The following OTUB1 variants were observed in gnomAD, a reference collection of about 807,000 sequenced individuals.
OTUB1 encodes ubiquitin thioesterase OTUB1.
In OTUB1, 10 loss-of-function variants were observed where a neutral mutation model predicts 35.8. The ratio of observed to expected loss-of-function variants is 0.28; its 90% CI spans 0.17 to 0.47. The LOEUF (loss-of-function observed/expected upper bound fraction) is 0.47. Ranked by LOEUF, OTUB1 falls within the 20% of genes least tolerant of loss-of-function variation. The probability of loss-of-function intolerance (pLI) is 0.99; values close to 1 mark genes in which losing one functional copy is unlikely to be tolerated. For missense variants in OTUB1, 264 were observed against 351.6 expected, an observed-to-expected ratio of 0.75 and a Z score of 1.99; for synonymous variants, 158 against 143.8, an observed-to-expected ratio of 1.10 and a Z score of -0.71.
In OTUB1 at chr11:63,997,668, C is replaced by G; in HGVS notation, c.*122C>G. On this transcript the variant is annotated 3_prime_UTR_variant, in exon 7 of 7. Transcript: ENST00000538426. ...CCCCTTCTTCCTGTCACATGACCCC[C>G]CCCCATGTTTTATTAAAGGGGGTGC... The G allele has an allele frequency of 2.5e-6, 2 of 802,534 alleles. No homozygotes were observed. Among genetic ancestry groups the G allele is most frequent in the Non-Finnish European group, 4.2e-6 (2 of 473,996 alleles). 49.7% of individuals were successfully genotyped at this position (802,534 alleles called of 1,614,324 possible).
In OTUB1 at chr11:63,998,107, G is replaced by A. The variant is rs1169568096; in HGVS notation, c.*561G>A. On this transcript the variant is annotated 3_prime_UTR_variant, in exon 7 of 7. Transcript: ENST00000538426. ...CTGGACCCGGCTCAGGGCAGGTGGA[G>A]GAGCTGGGCCTCCCACAGGGTGCCC... 8.7e-6 allele frequency: 3 copies of A among 343,536 alleles called. No individual in the cohort carries two copies. The highest frequency in any genetic ancestry group is 4.6e-5 in the Admixed American group (1 of 21,526). 21.3% of individuals were successfully genotyped at this position (343,536 alleles called of 1,614,324 possible). A position where few individuals can be genotyped will look rare whatever the true frequency, so the allele number is the denominator to read the frequency against.
At chr11:63,996,099 G>T (rs1942713969) in intron 3 of OTUB1, among the ~76,000 whole-genome samples, 1 of 152,178 alleles carries the variant, frequency 6.6e-6, no homozygotes, top group East Asian at 1.9e-4. Context: ...AGTGTGGCGG[G>T]AGCGGGGCTG....
Position 63,997,917 on chromosome 11 carries a change from G to A in OTUB1, c.*371G>A. ...GGCTCAGGGGCTTCTATGGGATCCT[G>A]GAAGTTCCTTAGGGACTTGCCCAGG... On this transcript the variant is annotated 3_prime_UTR_variant, in exon 7 of 7. Coordinates refer to ENST00000538426, the MANE Select transcript of OTUB1 (RefSeq NM_017670.3). The A allele has an allele frequency of 1.6e-6, 1 of 607,076 alleles. No individual in the cohort carries two copies. Among genetic ancestry groups the A allele is most frequent in the Non-Finnish European group, 2.9e-6 (1 of 341,092 alleles). The allele number at this position is 607,076 out of a possible 1,614,324, so 37.6% of individuals were successfully genotyped here. A position where few individuals can be genotyped will look rare whatever the true frequency, so the allele number is the denominator to read the frequency against.
At chr11:63,995,771 C>CA (rs1386365687) in intron 3 of OTUB1, among the ~76,000 whole-genome samples, 1 of 151,614 alleles carries the variant, frequency 6.6e-6, no homozygotes, top group Admixed American at 6.6e-5. Context: ...GGAAAAAAGA[C>CA]AAGGTCATCA....
At chr11:63,996,994 T>A in intron 5 of OTUB1, 53 bp downstream of exon 5, 7 of 1,611,696 alleles carry the variant, frequency 4.3e-6, no homozygotes, top group Non-Finnish European at 5.9e-6. Context: ...GTTCACCTGG[T>A]GAGGACCACC....
chr11:63,996,850 C>A lies in OTUB1; in HGVS notation c.339-7C>A. 6.2e-7 allele frequency: 1 copy of A among 1,614,172 alleles called. No homozygotes were observed. The highest frequency in any genetic ancestry group is 1.1e-5 in the South Asian group (1 of 91,082). On this transcript the variant is annotated splice_polypyrimidine_tract_variant and splice_region_variant and intron_variant, in intron 4 of 6. Coordinates refer to ENST00000538426, the MANE Select transcript of OTUB1 (RefSeq NM_017670.3). Reference sequence around the variant, plus strand: ...ATGCTGGGCCCGCCTTTCCATCCCACCCCCAGGTTCAAGGCTGTGTCTGCC... The same window carrying A: ...ATGCTGGGCCCGCCTTTCCATCCCAACCCCAGGTTCAAGGCTGTGTCTGCC...
At chr11:63,988,957 G>C (rs1942645090) in intron 3 of OTUB1, 1 of 544,098 alleles carries the variant, frequency 1.8e-6, no homozygotes, top group South Asian at 2.5e-5. Context: ...GAGGTTGTAG[G>C]GAGCCAAGAT....
At chr11:63,995,965 CCACTGCA>C (rs1215821493) in intron 3 of OTUB1, among the ~76,000 whole-genome samples, 2 of 151,982 alleles carry the variant, frequency 1.3e-5, no homozygotes, top group Middle Eastern at 3.2e-3. Flanking sequence ...CGAGATCGCG[CCACTGCA>C]CTCCAGCCTG....
At chr11:63,996,674 G>C (rs768076610) in intron 4 of OTUB1, 26 bp downstream of exon 4, 1 of 1,614,166 alleles carries the variant, frequency 6.2e-7, no homozygotes, top group Non-Finnish European at 8.5e-7. Flanking sequence ...ACTGGGCACC[G>C]AGGCAGGTGG....
rs576458828 is a variant in OTUB1 at position 63,988,626 on chromosome 11, G to C, written c.121-28G>C. 14 of 1,547,422 alleles carry C rather than the reference G, an allele frequency of 9.0e-6. No individual in the cohort carries two copies. In the South Asian group the frequency reaches 1.4e-4, roughly 16 times the overall value. ...CATGGGTCACTCCATCTCCCTGCTA[G>C]GACATGACAGATCCCTGCCTCCTCC... On this transcript the variant is annotated intron_variant, in intron 2 of 6. Coordinates refer to ENST00000538426, the MANE Select transcript of OTUB1 (RefSeq NM_017670.3).
At chr11:63,988,213 C>A in intron 1 of OTUB1, 124 bp from the exon 2 acceptor site, 1 of 722,520 alleles carries the variant, frequency 1.4e-6, no homozygotes, top group Non-Finnish European at 2.3e-6. Context: ...ACATCTGTAA[C>A]ATACCTGCTT....
rs1942742220 is a variant in OTUB1, at chr11:63,998,022, C to T, written c.*476C>T. 1.9e-6 allele frequency: 1 copy of T among 522,166 alleles called. No homozygotes were observed. The highest frequency in any genetic ancestry group is 3.4e-5 in the East Asian group (1 of 29,616). The allele number at this position is 522,166 out of a possible 1,614,324, so 32.3% of individuals were successfully genotyped here. On this transcript the variant is annotated 3_prime_UTR_variant, in exon 7 of 7. Coordinates refer to ENST00000538426, the MANE Select transcript of OTUB1 (RefSeq NM_017670.3). ...CCGGCTGGGCCCCAGACCCCAGCTT[C>T]CTGCCCTCCACCGGGAGTCTGCATG...
At position 63,997,651 on chromosome 11, in the gene OTUB1, T is replaced by C; in HGVS notation, c.*105T>C. 1.1e-6 allele frequency: 1 copy of C among 904,484 alleles called. No individual in the cohort carries two copies. The highest frequency in any genetic ancestry group is 1.8e-6 in the Non-Finnish European group (1 of 561,596). The allele number at this position is 904,484 out of a possible 1,614,324, so 56.0% of individuals were successfully genotyped here. A position where few individuals can be genotyped will look rare whatever the true frequency, so the allele number is the denominator to read the frequency against. On this transcript the variant is annotated 3_prime_UTR_variant, in exon 7 of 7. Transcript: ENST00000538426. ...AAATGGTCCTATTTCACCCCCTTCT[T>C]CCTGTCACATGACCCCCCCCCATGT...
chr11:63,993,594 G>A (rs1392939609), intron 3 of OTUB1, among the ~76,000 whole-genome samples: 1 of 151,662 alleles, frequency 6.6e-6, no homozygotes, highest in Non-Finnish European at 1.5e-5. Context: ...AACCCGGAAG[G>A]CGGAGGTTGC....
chr11:63,994,413 C>A (rs1297487447), intron 3 of OTUB1, among the ~76,000 whole-genome samples: 1 of 152,192 alleles, frequency 6.6e-6, no homozygotes, highest in Non-Finnish European at 1.5e-5. Flanking sequence ...CCACCACGCC[C>A]AGTTAATTTT....
intron 3 of OTUB1, among the ~76,000 whole-genome samples, chr11:63,995,987 A>G (rs983730191): frequency 3.3e-5 from 5 of 152,060 alleles, no homozygotes; most frequent in African/African-American, 1.2e-4. Flanking sequence ...AGCCTGGGCA[A>G]CAAGAGCAAA....
chr11:63,988,813 T>G (rs1942644293), intron 3 of OTUB1, 61 bp downstream of exon 3: 8 of 1,049,522 alleles, frequency 7.6e-6, no homozygotes, highest in Non-Finnish European at 1.2e-5. Context: ...GGGTGCCTGC[T>G]TCAGACTTGC....
chr11:63,988,486 T>G, intron 2 of OTUB1, 88 bp downstream of exon 2: 1 of 1,415,540 alleles, frequency 7.1e-7, no homozygotes. Context: ...ATTGTCTGTC[T>G]CTACTTTGGA....
chr11:63,991,376 C>A (rs959359803), intron 3 of OTUB1, among the ~76,000 whole-genome samples: 1 of 152,220 alleles, frequency 6.6e-6, no homozygotes, highest in Non-Finnish European at 1.5e-5. Context: ...GCCTGCCGCT[C>A]ATGCTAGACC....
Sources: gnomAD v4.1 joint callset for allele counts (sites outside exome capture counted in the v4.1 genomes callset) on GRCh38, gnomAD v4.1.1 for gene constraint, MANE v1.5 for transcripts, NCBI Gene and HGNC (gene_info 2026-07-23, HGNC 2026-07-21) for gene names.